The following EXOC2 variants were observed in gnomAD, a reference collection of about 807,000 sequenced individuals.
The protein encoded by EXOC2 is SEC5-like 1.
In EXOC2, 70 loss-of-function variants were observed where a neutral mutation model predicts 131.8. The observed-to-expected ratio is 0.53, with a 90% CI of 0.44 to 0.65. The LOEUF (loss-of-function observed/expected upper bound fraction) is 0.65. EXOC2 is among the 30% of genes least tolerant of loss of function. EXOC2 has a pLI of 0.00. For synonymous variants in EXOC2, 411 were observed against 398.4 expected (o/e 1.03, Z -0.38); for missense variants, 923 against 1,108.6 (o/e 0.83, Z 2.38).
chr6:596,883 T>C (rs958316382), intron 10 of EXOC2, among the ~76,000 whole-genome samples: 1 of 152,220 alleles, frequency 6.6e-6, no homozygotes, highest in Non-Finnish European at 1.5e-5. Context: ...TATAAAAAAC[T>C]TAAAATTTAT....
intron 1 of EXOC2, among the ~76,000 whole-genome samples, chr6:648,318 A>G (rs1369514020): frequency 1.3e-5 from 2 of 152,170 alleles, no homozygotes; most frequent in Non-Finnish European, 2.9e-5. Context: ...TCTCTAATAA[A>G]AGAAATAATT....
chr6:633,617 G>C (rs1761959495), intron 2 of EXOC2, among the ~76,000 whole-genome samples: 1 of 152,194 alleles, frequency 6.6e-6, no homozygotes, highest in African/African-American at 2.4e-5. Context: ...ATGAACTAAA[G>C]TAGGTTTTTT....
chr6:579,690 G>T (rs1269785583), intron 11 of EXOC2, among the ~76,000 whole-genome samples: 1 of 152,056 alleles, frequency 6.6e-6, no homozygotes, highest in Admixed American at 6.6e-5. Context: ...GAATTAGAAA[G>T]CTTATGTTTT....
chr6:521,225 C>T (rs1239851170), intron 23 of EXOC2, among the ~76,000 whole-genome samples: 1 of 150,928 alleles, frequency 6.6e-6, no homozygotes, highest in Non-Finnish European at 1.5e-5. Flanking sequence ...AAAACCACCA[C>T]CCACTGAGCA....
chr6:616,303 C>T (rs1448137113), intron 6 of EXOC2, among the ~76,000 whole-genome samples: 1 of 152,152 alleles, frequency 6.6e-6, no homozygotes, highest in Non-Finnish European at 1.5e-5. Context: ...ACATTTTACC[C>T]CTTCAAAAAC....
At chr6:493,167 T>C (rs1252473050) in intron 25 of EXOC2, among the ~76,000 whole-genome samples, 1 of 152,224 alleles carries the variant, frequency 6.6e-6, no homozygotes. Flanking sequence ...CACAGTTTAT[T>C]AGAAATTCTG....
chr6:584,695 G>T (rs752056630), intron 11 of EXOC2, among the ~76,000 whole-genome samples: 5 of 152,178 alleles, frequency 3.3e-5, no homozygotes, highest in Non-Finnish European at 7.3e-5. Flanking sequence ...CTTTTCTTCT[G>T]CTCTGCGGCT....
At chr6:678,692 C>A (rs1764262540) in intron 1 of EXOC2, among the ~76,000 whole-genome samples, 1 of 152,228 alleles carries the variant, frequency 6.6e-6, no homozygotes, top group African/African-American at 2.4e-5. Context: ...AGAACCAGGG[C>A]ATGGGGCTCC....
At chr6:501,736 A>G (rs1764217560) in intron 23 of EXOC2, among the ~76,000 whole-genome samples, 1 of 141,414 alleles carries the variant, frequency 7.1e-6, no homozygotes, top group East Asian at 2.0e-4. Context: ...CTATGTATAT[A>G]TATTGGCTCC....
At chr6:626,114 T>C (rs1299565056) in intron 4 of EXOC2, among the ~76,000 whole-genome samples, 1 of 152,208 alleles carries the variant, frequency 6.6e-6, no homozygotes. Context: ...ACAACTGCCA[T>C]CGTAAAGCAG....
intron 11 of EXOC2, among the ~76,000 whole-genome samples, chr6:590,214 G>C (rs1581506299): frequency 6.6e-6 from 1 of 152,108 alleles, no homozygotes; most frequent in Non-Finnish European, 1.5e-5. Context: ...TGAATCAACA[G>C]AGAAATAAAT....
intron 6 of EXOC2, among the ~76,000 whole-genome samples, chr6:617,410 T>C (rs1332815196): frequency 6.6e-6 from 1 of 152,230 alleles, no homozygotes; most frequent in African/African-American, 2.4e-5. Context: ...TGTAAGATAT[T>C]GGTGGTTGTG....
intron 27 of EXOC2, among the ~76,000 whole-genome samples, chr6:488,764 G>A (rs1763247235): frequency 6.6e-6 from 1 of 152,128 alleles, no homozygotes; most frequent in Admixed American, 6.5e-5. Context: ...CCAGAAGAAA[G>A]GTCTTACCTT....
Position 621,664 on chromosome 6 carries a change from TCGTG to T in EXOC2, c.423-2125_423-2122del, listed in dbSNP as rs1264165167. On this transcript the variant is annotated intron_variant, in intron 4 of 27. Coordinates refer to ENST00000230449, the MANE Select transcript of EXOC2 (RefSeq NM_018303.6). ...ACCACTTCCACCGAGACTGAGTCGA[TCGTG>T]CATCTTTTCTCACTAGCTTCACGAG... 2.0e-5 allele frequency among the ~76,000 whole-genome samples: 3 copies of T among 152,006 alleles called. No individual in the cohort carries two copies. In the East Asian group the frequency reaches 5.8e-4, roughly 30 times the overall value.
chr6:612,896 G>T (rs1293765389), intron 6 of EXOC2, among the ~76,000 whole-genome samples: 1 of 152,166 alleles, frequency 6.6e-6, no homozygotes, highest in Non-Finnish European at 1.5e-5. Flanking sequence ...GATAATGCTG[G>T]ACTTGCCGCT....
Position 489,053 on chromosome 6 carries a change from G to C in EXOC2, c.2622-15C>G. On this transcript the variant is annotated splice_polypyrimidine_tract_variant and intron_variant, in intron 26 of 27. Coordinates refer to ENST00000230449, the MANE Select transcript of EXOC2 (RefSeq NM_018303.6). ...TAAAACTTGACCTGAAACACAAACA[G>C]CCACACTGAAGTTGAAGCCTTGCAC... is the stretch of plus-strand genomic sequence containing the variant. 3.7e-6 allele frequency: 6 copies of C among 1,613,056 alleles called. No homozygotes were observed. The highest frequency in any genetic ancestry group is 5.1e-6 in the Non-Finnish European group (6 of 1,179,330).
chr6:506,852 T>C lies in EXOC2; in HGVS notation c.2381-7152A>G, dbSNP rs1242274901. Among the ~76,000 whole-genome samples, 1 of 152,152 alleles carries C rather than the reference T, an allele frequency of 6.6e-6. No individual in the cohort carries two copies. Among genetic ancestry groups the C allele is most frequent in the African/African-American group, 2.4e-5 (1 of 41,430 alleles). On this transcript the variant is annotated intron_variant, in intron 23 of 27. Transcript: ENST00000230449. The surrounding 1 kb of genome is among the most constrained non-coding windows in gnomAD (Gnocchi z 4.4). ...CATGCATCAAAATAGTAGAGCAGCC[T>C]TCTTTCTTGGTATATTTGTCAGTTT... is the stretch of plus-strand genomic sequence containing the variant.
At chr6:651,470 ATGG>A (rs1762827329) in intron 1 of EXOC2, among the ~76,000 whole-genome samples, 1 of 151,812 alleles carries the variant, frequency 6.6e-6, no homozygotes, top group South Asian at 2.1e-4. Flanking sequence ...CCTGGCCAAC[ATGG>A]TGAAACCCCA....
chr6:576,729 C>T (rs1171207721), intron 12 of EXOC2, 28 bp downstream of exon 12: 7 of 1,608,382 alleles, frequency 4.4e-6, no homozygotes, highest in South Asian at 3.3e-5. Context: ...ATTTAAAAGA[C>T]CCAGTGGCAG....
Sources: allele counts gnomAD v4.1 joint callset (sites outside exome capture counted in the v4.1 genomes callset), GRCh38; gene constraint gnomAD v4.1.1; non-coding constraint Gnocchi (gnomAD v3.1); transcripts MANE v1.5; gene names NCBI Gene and HGNC (gene_info 2026-07-23, HGNC 2026-07-21).